ASIC2: variants seen among roughly 807,000 people sequenced by gnomAD.
ASIC2 encodes acid sensing ion channel subunit 2, also known as acid-sensing ion channel 2.
A neutral mutation model predicts 57.3 loss-of-function variants in ASIC2; 25 were observed. The observed-to-expected ratio is 0.44, with a 90% CI of 0.32 to 0.61. The LOEUF is 0.61. ASIC2 is among the 20% of genes least tolerant of loss of function. The pLI, the probability that ASIC2 is intolerant of heterozygous loss-of-function variation, is 0.06. For synonymous variants in ASIC2, 319 were observed against 307.5 expected (o/e 1.04, Z -0.39); for missense variants, 641 against 738.1 (o/e 0.87, Z 1.52).
chr17:33,994,822 A>G (rs1906103624), intron 1 of ASIC2, among the ~76,000 whole-genome samples: 1 of 152,140 alleles, frequency 6.6e-6, no homozygotes, highest in African/African-American at 2.4e-5. Context: ...CCTACTAGGA[A>G]GTTTTACTGA....
chr17:33,156,447 G>C (rs748271792), intron 1 of ASIC2, among the ~76,000 whole-genome samples: 2 of 152,074 alleles, frequency 1.3e-5, no homozygotes, highest in Non-Finnish European at 2.9e-5. Context: ...AAAATGATCA[G>C]CTTTTAAAAA....
chr17:34,138,370 G>A (rs1912180617), intron 1 of ASIC2, among the ~76,000 whole-genome samples: 1 of 152,292 alleles, frequency 6.6e-6, no homozygotes, highest in South Asian at 2.1e-4. Context: ...AAATCCACAT[G>A]TGAAGTTTTC....
At chr17:34,102,680 T>C (rs186894843) in intron 1 of ASIC2, among the ~76,000 whole-genome samples, 109 of 152,370 alleles carry the variant, frequency 7.2e-4, no homozygotes, top group African/African-American at 2.5e-3. Flanking sequence ...CTAAGTAGTA[T>C]CACACTGCAG....
At chr17:33,819,887 TG>T (rs1912696023) in intron 1 of ASIC2, among the ~76,000 whole-genome samples, 1 of 152,294 alleles carries the variant, frequency 6.6e-6, no homozygotes, top group East Asian at 1.9e-4. Context: ...AAATCTAATC[TG>T]GAAAGAGAAA....
chr17:33,632,142 C>T (rs184713224), intron 1 of ASIC2, among the ~76,000 whole-genome samples: 8 of 152,256 alleles, frequency 5.3e-5, no homozygotes, highest in Admixed American at 4.6e-4. Flanking sequence ...TCAGTTTTCT[C>T]ATCTGGAAGA....
intron 1 of ASIC2, among the ~76,000 whole-genome samples, chr17:33,340,413 C>T (rs1907677761): frequency 6.6e-6 from 1 of 152,150 alleles, no homozygotes; most frequent in African/African-American, 2.4e-5. Flanking sequence ...ACAAATCTAC[C>T]ATAAATGTTG....
chr17:33,611,024 T>C (rs1470573089), intron 1 of ASIC2, among the ~76,000 whole-genome samples: 3 of 152,162 alleles, frequency 2.0e-5, no homozygotes, highest in Non-Finnish European at 4.4e-5. Context: ...TTTCTGGGAA[T>C]TGGTGTGGTG....
intron 1 of ASIC2, among the ~76,000 whole-genome samples, chr17:34,048,076 T>C (rs1908406181): frequency 2.0e-5 from 3 of 152,174 alleles, no homozygotes; most frequent in Admixed American, 2.0e-4. Flanking sequence ...GAGATTTTTC[T>C]TCTAGTGAAC....
At position 33,978,394 on chromosome 17, in the gene ASIC2, A is replaced by C. The variant is rs560070037; in HGVS notation, c.555+177584T>G. Among the ~76,000 whole-genome samples, 3 of 152,272 alleles carry C rather than the reference A, an allele frequency of 2.0e-5. No homozygotes were observed. In the East Asian group the frequency reaches 5.8e-4, roughly 29 times the overall value. On this transcript the variant is annotated intron_variant, in intron 1 of 9. Coordinates refer to the ASIC2 transcript ENST00000359872. The stretch of plus-strand genomic sequence containing the variant: ...GCTGCTGGGGCCAGACTGCCCCGTC[A>C]AGATCCAGCCTGCCTTTCACTGACT...
intron 1 of ASIC2, among the ~76,000 whole-genome samples, chr17:33,711,485 G>A (rs900667956): frequency 2.6e-5 from 4 of 152,130 alleles, no homozygotes; most frequent in Non-Finnish European, 5.9e-5. Flanking sequence ...TGTTTTCCCT[G>A]GGTCTGGTCA....
intron 1 of ASIC2, among the ~76,000 whole-genome samples, chr17:33,659,912 AAAT>A (rs1217846848): frequency 6.3e-5 from 8 of 127,840 alleles, no homozygotes; most frequent in South Asian, 2.7e-4. Context: ...ATAAATAAAT[AAAT>A]AAAATAAAAA....
intron 1 of ASIC2, among the ~76,000 whole-genome samples, chr17:33,324,887 A>G (rs577848859): frequency 5.2e-4 from 79 of 152,316 alleles, no homozygotes; most frequent in African/African-American, 1.9e-3. Flanking sequence ...GAATATCACA[A>G]GAGAACCACC....
intron 1 of ASIC2, among the ~76,000 whole-genome samples, chr17:33,626,426 C>G (rs1905986457): frequency 6.6e-6 from 1 of 151,900 alleles, no homozygotes; most frequent in South Asian, 2.1e-4. Flanking sequence ...TTAGTTTTGC[C>G]TTTGAGGACA....
intron 2 of ASIC2, among the ~76,000 whole-genome samples, chr17:33,096,647 T>G (rs2092180963): frequency 6.6e-6 from 1 of 151,870 alleles, no homozygotes; most frequent in African/African-American, 2.4e-5. Context: ...CAGGTACACG[T>G]GTAACATCAG....
At chr17:33,794,971 G>A (rs980770490) in intron 1 of ASIC2, among the ~76,000 whole-genome samples, 74 of 152,242 alleles carry the variant, frequency 4.9e-4, no homozygotes, top group African/African-American at 1.8e-3. Context: ...ATAAGAAAAT[G>A]AGCCACATTA....
chr17:33,127,536 A>G (rs747164831), intron 1 of ASIC2, among the ~76,000 whole-genome samples: 5 of 152,204 alleles, frequency 3.3e-5, no homozygotes, highest in Non-Finnish European at 7.3e-5. Context: ...CCAATTAATG[A>G]TATGAGTCTT....
At chr17:33,587,507 C>T (rs1904676740) in intron 1 of ASIC2, among the ~76,000 whole-genome samples, 1 of 152,210 alleles carries the variant, frequency 6.6e-6, no homozygotes, top group Non-Finnish European at 1.5e-5. Context: ...TTAGTGAGAG[C>T]AAAAACTGGC....
intron 1 of ASIC2, among the ~76,000 whole-genome samples, chr17:34,008,402 G>C (rs938516770): frequency 4.6e-5 from 7 of 152,188 alleles, no homozygotes; most frequent in Non-Finnish European, 8.8e-5. Flanking sequence ...ATGACACCCA[G>C]GGGAGGGACT....
chr17:33,108,696 C>T (rs1320156227), intron 2 of ASIC2, among the ~76,000 whole-genome samples: 1 of 152,212 alleles, frequency 6.6e-6, no homozygotes, highest in Non-Finnish European at 1.5e-5. Context: ...TGCTCAGGGC[C>T]TTCTCAGCCT....
Sources: allele counts gnomAD v4.1 joint callset (sites outside exome capture counted in the v4.1 genomes callset), GRCh38; gene constraint gnomAD v4.1.1; transcripts MANE v1.5; gene names NCBI Gene and HGNC (gene_info 2026-07-23, HGNC 2026-07-21).